Variants in NCR1 observed in about 807,000 individuals in gnomAD.
NCR1 encodes the protein NK cell-activating receptor.
In NCR1, 30 loss-of-function variants were observed where a neutral mutation model predicts 32.5. The ratio of observed to expected loss-of-function variants is 0.92; its 90% CI spans 0.69 to 1.25. NCR1 has a LOEUF of 1.25. NCR1 is among the 50% of genes most tolerant of loss of function. The probability of loss-of-function intolerance (pLI) is 0.00; values close to 1 mark genes in which losing one functional copy is unlikely to be tolerated. For missense variants in NCR1, 369 were observed against 380.7 expected (o/e 0.97, Z 0.26); for synonymous variants, 169 against 143.4 (o/e 1.18, Z -1.28).
At chr19:54,931,781 C>T in the NCR1 span, among the ~76,000 whole-genome samples, 4 of 151,322 alleles carry the variant, frequency 2.6e-5, no homozygotes, top group Admixed American at 2.0e-4. Context: ...ACCCAGGAAG[C>T]GGAGGTTGCA....
the NCR1 span, among the ~76,000 whole-genome samples, chr19:54,932,918 A>G: frequency 1.3e-5 from 2 of 151,952 alleles, no homozygotes; most frequent in Non-Finnish European, 2.9e-5. Context: ...CCTGTTCCCC[A>G]ATAACCTATG....
At chr19:54,926,453 C>T in the NCR1 span, among the ~76,000 whole-genome samples, 7 of 152,264 alleles carry the variant, frequency 4.6e-5, no homozygotes, top group African/African-American at 1.4e-4. Flanking sequence ...CCCAAAAAAA[C>T]TCTTCTCTGC....
chr19:54,934,360 C>T, the NCR1 span: 4,436 of 924,440 alleles, frequency 4.8e-3, 114 homozygotes, highest in African/African-American at 0.058. This position sits in a 1 kb window ranked among gnomAD's most constrained non-coding sequence, Gnocchi z 6.7. Flanking sequence ...AGCCACCGTG[C>T]CGGGCCTGAA....
At position 54,906,539 on chromosome 19, in the gene NCR1, G is replaced by T; in HGVS notation, c.87G>T (p.Pro29=). Residue 29 remains proline (P), a synonymous_variant, in exon 3 of 7, where the codon CCG becomes CCT. Transcript: ENST00000291890. ...CCCTTCCAGAGACTCTCCCAAAACC[G>T]TTCATCTGGGCCGAGCCCCATTTCA... ...ISAQQQTLPK[P]FIWAEPHFMV... The T allele has an allele frequency of 1.2e-6, 2 of 1,608,938 alleles. No homozygotes were observed. The highest frequency in any genetic ancestry group is 1.7e-6 in the Non-Finnish European group (2 of 1,179,984).
At chr19:54,902,789 C>T (rs74570903), upstream of NCR1, among the ~76,000 whole-genome samples, 8,526 of 152,066 alleles carry the variant, frequency 0.056, 300 homozygotes, top group Middle Eastern at 0.12. Flanking sequence ...GTTATGACAG[C>T]TGTGTAAGGG....
chr19:54,921,883 C>A, the NCR1 span, among the ~76,000 whole-genome samples: 1 of 148,200 alleles, frequency 6.7e-6, no homozygotes, highest in Non-Finnish European at 1.5e-5. Context: ...ACAACTTTCC[C>A]CATATCAATG....
chr19:54,927,846 C>A, the NCR1 span: 1 of 1,386,690 alleles, frequency 7.2e-7, no homozygotes, highest in Non-Finnish European at 1.0e-6. Context: ...AATCCCAACA[C>A]TTCGGGAGGC....
chr19:54,922,531 A>ACT, the NCR1 span, among the ~76,000 whole-genome samples: 3 of 151,662 alleles, frequency 2.0e-5, no homozygotes, highest in Non-Finnish European at 1.5e-5. Flanking sequence ...TAATCCCACC[A>ACT]CTCTGGGAGG....
At chr19:54,906,357 A>G (rs746972049) in intron 2 of NCR1, 23 bp downstream of exon 2, 5 of 1,612,516 alleles carry the variant, frequency 3.1e-6, no homozygotes, top group Non-Finnish European at 4.2e-6. Flanking sequence ...TTCAAAGCCC[A>G]GGGTCACTCT....
chr19:54,930,217 A>G, the NCR1 span, among the ~76,000 whole-genome samples: 1 of 152,076 alleles, frequency 6.6e-6, no homozygotes, highest in Admixed American at 6.6e-5. Flanking sequence ...CTGTAATCCT[A>G]GCACATTGGG....
At chr19:54,914,050 A>G (rs971346763), downstream of NCR1, among the ~76,000 whole-genome samples, 1 of 150,780 alleles carries the variant, frequency 6.6e-6, no homozygotes, top group Non-Finnish European at 1.5e-5. Flanking sequence ...CCTACGTGAC[A>G]GAGCAAGATT....
intron 3 of NCR1, among the ~76,000 whole-genome samples, chr19:54,909,001 A>T (rs1324473932): frequency 1.4e-3 from 18 of 12,932 alleles, no homozygotes; most frequent in Non-Finnish European, 2.3e-3. Flanking sequence ...AATAATAATT[A>T]AAAAAAAAAA....
the NCR1 span, among the ~76,000 whole-genome samples, chr19:54,924,625 A>AAATTT: frequency 6.6e-6 from 1 of 152,020 alleles, no homozygotes; most frequent in Non-Finnish European, 1.5e-5. Flanking sequence ...CATGCCTTTA[A>AAATTT]AAAATAAATT....
chr19:54,914,668 C>T (rs1391680895), downstream of NCR1, among the ~76,000 whole-genome samples: 2 of 151,904 alleles, frequency 1.3e-5, no homozygotes, highest in Non-Finnish European at 1.5e-5. Context: ...CCACACCTTG[C>T]CTTGTTCTTC....
chr19:54,908,149 T>C (rs1413630880), intron 3 of NCR1, among the ~76,000 whole-genome samples: 2 of 152,150 alleles, frequency 1.3e-5, no homozygotes, highest in Non-Finnish European at 2.9e-5. Context: ...TCCGCAGTGT[T>C]TGTGTCCCTG....
chr19:54,910,147 T>C (rs1245930167), intron 5 of NCR1, 82 bp downstream of exon 5: 3 of 1,405,486 alleles, frequency 2.1e-6, no homozygotes, highest in Non-Finnish European at 3.0e-6. Context: ...ATTCAAAATA[T>C]TCATCGAGGC....
At chr19:54,921,772 CAAAA>C in the NCR1 span, among the ~76,000 whole-genome samples, 29,401 of 93,846 alleles carry the variant, frequency 0.31, 4,249 homozygotes, top group East Asian at 0.55. Flanking sequence ...GACTCCATCT[CAAAA>C]AAAAAAAAAA....
chr19:54,931,023 A>G, the NCR1 span, among the ~76,000 whole-genome samples: 1 of 152,090 alleles, frequency 6.6e-6, no homozygotes, highest in Non-Finnish European at 1.5e-5. Context: ...ACTCCGTCTC[A>G]AGAAAACAAC....
At chr19:54,900,194 T>C in the NCR1 span, among the ~76,000 whole-genome samples, 1 of 152,256 alleles carries the variant, frequency 6.6e-6, no homozygotes, top group African/African-American at 2.4e-5. Context: ...TTCACTCACG[T>C]CCGTGTGAAG....
Sources: gnomAD v4.1 joint callset for allele counts (sites outside exome capture counted in the v4.1 genomes callset) on GRCh38, gnomAD v4.1.1 for gene constraint, Gnocchi (gnomAD v3.1) non-coding constraint, MANE v1.5 for transcripts, NCBI Gene and HGNC (gene_info 2026-07-23, HGNC 2026-07-21) for gene names.